The following DIP2C variants were observed in gnomAD, a reference collection of about 807,000 sequenced individuals.
DIP2C encodes DIP2 acetate--CoA ligase C (putative).
A neutral mutation model predicts 192.4 loss-of-function variants in DIP2C; 33 were observed. The ratio of observed to expected loss-of-function variants is 0.17; its 90% CI spans 0.13 to 0.23. The LOEUF is 0.23. DIP2C is among the 10% of genes least tolerant of loss of function. DIP2C has a pLI of 1.00. For synonymous variants in DIP2C, 979 were observed against 864.1 expected, an observed-to-expected ratio of 1.13 and a Z score of -2.33; for missense variants, 1,537 against 2,110.1, an observed-to-expected ratio of 0.73 and a Z score of 5.32.
At chr10:290,105 G>T (rs985304942) in intron 32 of DIP2C, among the ~76,000 whole-genome samples, 1 of 152,216 alleles carries the variant, frequency 6.6e-6, no homozygotes, top group African/African-American at 2.4e-5. Flanking sequence ...CGCTGGGGAG[G>T]GTGCCTGTGT....
intron 17 of DIP2C, among the ~76,000 whole-genome samples, chr10:370,285 T>C (rs893538409): frequency 6.6e-6 from 1 of 152,254 alleles, no homozygotes; most frequent in Non-Finnish European, 1.5e-5. Context: ...AGAAGACCAC[T>C]GCGCACACGT....
intron 1 of DIP2C, among the ~76,000 whole-genome samples, chr10:671,616 G>A (rs1830646556): frequency 1.2e-5 from 1 of 86,826 alleles, no homozygotes; most frequent in African/African-American, 5.2e-5. Context: ...CGGAGGAAAC[G>A]CCACAGACGC....
chr10:494,546 C>T (rs1844677415), intron 1 of DIP2C, among the ~76,000 whole-genome samples: 1 of 152,170 alleles, frequency 6.6e-6, no homozygotes, highest in African/African-American at 2.4e-5. Context: ...AGAGTCAAAG[C>T]AATCCAAGAG....
chr10:401,857 C>G (rs1278448599), intron 9 of DIP2C, among the ~76,000 whole-genome samples: 2 of 151,532 alleles, frequency 1.3e-5, no homozygotes, highest in Admixed American at 6.6e-5. Flanking sequence ...CATTACTCTT[C>G]CTTATGGACA....
chr10:421,973 A>ATTCTGGGG (rs1249280072), intron 5 of DIP2C, among the ~76,000 whole-genome samples: 1 of 152,306 alleles, frequency 6.6e-6, no homozygotes, highest in South Asian at 2.1e-4. Context: ...AGAAGTGAAC[A>ATTCTGGGG]TTCTGGGGTT....
At chr10:341,925 T>C (rs1187167717) in intron 28 of DIP2C, among the ~76,000 whole-genome samples, 1 of 152,120 alleles carries the variant, frequency 6.6e-6, no homozygotes, top group Non-Finnish European at 1.5e-5. Context: ...AAATGCACGA[T>C]ACCTGGCCCC....
intron 2 of DIP2C, among the ~76,000 whole-genome samples, chr10:477,663 G>A (rs1267251144): frequency 1.4e-5 from 2 of 141,682 alleles, no homozygotes; most frequent in African/African-American, 5.1e-5. Context: ...TAGATGAACA[G>A]GAAGTGGTGA....
At chr10:323,520 C>T (rs563723581) in intron 31 of DIP2C, among the ~76,000 whole-genome samples, 11 of 152,334 alleles carry the variant, frequency 7.2e-5, no homozygotes, top group East Asian at 1.9e-4. Flanking sequence ...CACTCACTCA[C>T]GATGCTGCTG....
At chr10:657,514 A>C (rs1184799102) in intron 1 of DIP2C, among the ~76,000 whole-genome samples, 3 of 20,088 alleles carry the variant, frequency 1.5e-4, no homozygotes, top group African/African-American at 2.6e-4. Flanking sequence ...CCTGGACCTG[A>C]CGCTGGACCT....
chr10:580,184 CGT>C (rs1850520598), intron 1 of DIP2C, among the ~76,000 whole-genome samples: 1 of 151,910 alleles, frequency 6.6e-6, no homozygotes, highest in African/African-American at 2.4e-5. Context: ...CCTACACATG[CGT>C]AGTGTATACA....
At chr10:470,985 G>A (rs927580086) in intron 3 of DIP2C, among the ~76,000 whole-genome samples, 2 of 152,184 alleles carry the variant, frequency 1.3e-5, no homozygotes, top group Non-Finnish European at 2.9e-5. Flanking sequence ...TTGGTCACAG[G>A]CTGACAGTAC....
intron 24 of DIP2C, 100 bp downstream of exon 24, chr10:356,326 C>G (rs761059467): frequency 2.2e-6 from 3 of 1,341,994 alleles, no homozygotes; most frequent in Non-Finnish European, 2.1e-6. Context: ...TCCCATAAGA[C>G]TGAAGCAAAA....
intron 4 of DIP2C, among the ~76,000 whole-genome samples, chr10:423,682 G>T (rs1297094007): frequency 6.6e-6 from 1 of 151,498 alleles, no homozygotes; most frequent in African/African-American, 2.4e-5. Flanking sequence ...TTTGTGCGTT[G>T]GTGTGTTAGA....
intron 1 of DIP2C, among the ~76,000 whole-genome samples, chr10:560,474 CAT>C (rs1219133094): frequency 1.3e-5 from 2 of 152,138 alleles, no homozygotes; most frequent in Non-Finnish European, 2.9e-5. Flanking sequence ...ACAGACTTCT[CAT>C]AATGCCTGAA....
At chr10:570,863 G>C (rs907296884) in intron 1 of DIP2C, among the ~76,000 whole-genome samples, 3 of 152,238 alleles carry the variant, frequency 2.0e-5, no homozygotes, top group African/African-American at 7.2e-5. Context: ...AATTAAAAGC[G>C]TGTTTCATTC....
At chr10:591,767 A>G (rs1266734654) in intron 1 of DIP2C, among the ~76,000 whole-genome samples, 1 of 152,036 alleles carries the variant, frequency 6.6e-6, no homozygotes, top group African/African-American at 2.4e-5. Flanking sequence ...GACCAACACA[A>G]AGGTACCACA....
intron 28 of DIP2C, among the ~76,000 whole-genome samples, chr10:343,334 A>G (rs573222677): frequency 1.3e-5 from 2 of 152,314 alleles, no homozygotes; most frequent in South Asian, 4.1e-4. Flanking sequence ...GAATGTCACC[A>G]GAGCTAAACT....
intron 1 of DIP2C, among the ~76,000 whole-genome samples, chr10:662,519 G>C (rs1856822000): frequency 6.6e-6 from 1 of 152,172 alleles, no homozygotes. Context: ...AGCTGTGTTT[G>C]CTCCTAAATC....
intron 26 of DIP2C, among the ~76,000 whole-genome samples, chr10:347,548 C>A: frequency 8.0e-6 from 1 of 125,772 alleles, no homozygotes; most frequent in African/African-American, 3.1e-5. Context: ...AGACACATCG[C>A]GCATAGCTCT....
Sources: allele counts gnomAD v4.1 joint callset (sites outside exome capture counted in the v4.1 genomes callset), GRCh38; gene constraint gnomAD v4.1.1; transcripts MANE v1.5; gene names NCBI Gene and HGNC (gene_info 2026-07-23, HGNC 2026-07-21).